Variants in ANK3 observed in about 807,000 individuals in gnomAD.
ANK3 encodes ankyrin-3.
A neutral mutation model predicts 370.9 loss-of-function variants in ANK3; 57 were observed. That is an observed-to-expected ratio of 0.15 (90% CI 0.12 to 0.19). The LOEUF (loss-of-function observed/expected upper bound fraction) is 0.19. ANK3 is among the 10% of genes least tolerant of loss of function. ANK3 has a pLI of 1.00. For missense variants in ANK3, 4,439 were observed against 5,302.1 expected, an observed-to-expected ratio of 0.84 and a Z score of 5.06; for synonymous variants, 1,929 against 1,946.3, an observed-to-expected ratio of 0.99 and a Z score of 0.23.
chr10:60,722,856 C>G (rs2079883852), intron 1 of ANK3, among the ~76,000 whole-genome samples: 1 of 152,180 alleles, frequency 6.6e-6, no homozygotes, highest in African/African-American at 2.4e-5. Flanking sequence ...CTTTGCCTTC[C>G]AGCAAAATTG....
chr10:60,722,209 T>C (rs1244049389), intron 1 of ANK3, among the ~76,000 whole-genome samples: 2 of 152,034 alleles, frequency 1.3e-5, no homozygotes, highest in African/African-American at 4.8e-5. Flanking sequence ...AAATTTTAAT[T>C]ATTGCTTATG....
chr10:60,343,395 G>C (rs933705196), intron 1 of ANK3, among the ~76,000 whole-genome samples: 3 of 152,112 alleles, frequency 2.0e-5, no homozygotes, highest in Non-Finnish European at 4.4e-5. Context: ...AATGAGTAAA[G>C]ACTTAGGAAT....
chr10:60,419,105 C>T (rs1353766364), intron 2 of ANK3, among the ~76,000 whole-genome samples: 1 of 151,978 alleles, frequency 6.6e-6, no homozygotes, highest in African/African-American at 2.4e-5. Flanking sequence ...GAATATAAAC[C>T]TGTTTGTTTT....
At chr10:60,590,525 G>C (rs2077894075) in intron 2 of ANK3, among the ~76,000 whole-genome samples, 1 of 152,156 alleles carries the variant, frequency 6.6e-6, no homozygotes, top group South Asian at 2.1e-4. Flanking sequence ...CAGATTTAAT[G>C]GTTCTAGTTT....
At chr10:60,278,260 C>A (rs1478706485) in intron 4 of ANK3, among the ~76,000 whole-genome samples, 2 of 152,258 alleles carry the variant, frequency 1.3e-5, no homozygotes, top group African/African-American at 4.8e-5. Flanking sequence ...ATTACAGATA[C>A]CCTTTAAACA....
intron 2 of ANK3, among the ~76,000 whole-genome samples, chr10:60,464,524 A>T (rs752813550): frequency 2.5e-4 from 38 of 152,158 alleles, no homozygotes; most frequent in Non-Finnish European, 3.1e-4. Flanking sequence ...AACATCTTAA[A>T]CATTACCTAA....
At chr10:60,277,628 G>A (rs1027887774) in intron 4 of ANK3, among the ~76,000 whole-genome samples, 2 of 152,100 alleles carry the variant, frequency 1.3e-5, no homozygotes, top group East Asian at 3.9e-4. Context: ...ATATGAAACC[G>A]CTAACAGGAA....
chr10:60,467,136 T>C (rs914883806), intron 2 of ANK3, among the ~76,000 whole-genome samples: 7 of 152,176 alleles, frequency 4.6e-5, no homozygotes, highest in Admixed American at 3.9e-4. Context: ...TCAGGAAATA[T>C]ATGCAATTCA....
chr10:60,508,020 T>A (rs997721387), intron 2 of ANK3: 1 of 152,156 alleles, frequency 6.6e-6, no homozygotes, highest in Non-Finnish European at 1.5e-5. Flanking sequence ...TGAATTTTTT[T>A]AAATAGAAGT....
At chr10:60,630,822 T>C (rs77037696) in intron 1 of ANK3, among the ~76,000 whole-genome samples, 124 of 152,272 alleles carry the variant, frequency 8.1e-4, no homozygotes, top group Non-Finnish European at 9.1e-4. Flanking sequence ...AAGCTAAAGC[T>C]GGACCCTGTT....
At chr10:60,569,231 G>A (rs1188436201) in intron 2 of ANK3, among the ~76,000 whole-genome samples, 1 of 152,100 alleles carries the variant, frequency 6.6e-6, no homozygotes, top group Non-Finnish European at 1.5e-5. Flanking sequence ...TCTACATCAA[G>A]CTTGAAATTC....
intron 21 of ANK3, among the ~76,000 whole-genome samples, chr10:60,167,707 A>G (rs2095659854): frequency 6.6e-6 from 1 of 152,004 alleles, no homozygotes; most frequent in African/African-American, 2.4e-5. Context: ...ATGAGACACT[A>G]ATGGTACAAG....
intron 43 of ANK3, among the ~76,000 whole-genome samples, chr10:60,041,380 C>T (rs1298116674): frequency 6.6e-6 from 1 of 152,222 alleles, no homozygotes; most frequent in Non-Finnish European, 1.5e-5. Flanking sequence ...TTCCCCGTCA[C>T]CTCCGACCCA....
chr10:60,087,543 G>C (rs1387163993), intron 29 of ANK3, among the ~76,000 whole-genome samples: 1 of 152,134 alleles, frequency 6.6e-6, no homozygotes, highest in Non-Finnish European at 1.5e-5. Context: ...CATTGGGCAG[G>C]AGAGTCCAGC....
At chr10:60,436,029 A>C (rs1053309460) in intron 2 of ANK3, among the ~76,000 whole-genome samples, 5 of 151,904 alleles carry the variant, frequency 3.3e-5, no homozygotes, top group Admixed American at 2.0e-4. Context: ...CGGAGCTTGC[A>C]GTGAGCGGAG....
At chr10:60,142,637 G>A (rs73261184) in intron 23 of ANK3, among the ~76,000 whole-genome samples, 7,719 of 151,838 alleles carry the variant, frequency 0.051, 622 homozygotes, top group African/African-American at 0.18. Context: ...TTCTTTAGCC[G>A]TACTTCTTAG....
chr10:60,503,453 C>G (rs138536490), intron 2 of ANK3, among the ~76,000 whole-genome samples: 1 of 152,094 alleles, frequency 6.6e-6, no homozygotes, highest in African/African-American at 2.4e-5. Flanking sequence ...ATTATTAATA[C>G]CATTTTACAG....
At chr10:60,672,952 C>T (rs114226168) in intron 1 of ANK3, among the ~76,000 whole-genome samples, 6,211 of 151,844 alleles carry the variant, frequency 0.041, 160 homozygotes, top group South Asian at 0.071. Flanking sequence ...GTCACAGAAG[C>T]ATGATGACTG....
chr10:60,360,768 G>T (rs2132733987), intron 1 of ANK3, among the ~76,000 whole-genome samples: 1 of 152,144 alleles, frequency 6.6e-6, no homozygotes, highest in African/African-American at 2.4e-5. Context: ...ACAGGAGCTG[G>T]ATTTATTGAA....
Sources: allele counts gnomAD v4.1 joint callset (sites outside exome capture counted in the v4.1 genomes callset), GRCh38; gene constraint gnomAD v4.1.1; transcripts MANE v1.5; gene names NCBI Gene and HGNC (gene_info 2026-07-23, HGNC 2026-07-21).